Variants in ACAD10 observed in about 807,000 individuals in gnomAD.
ACAD10 encodes ACAD-10.
A neutral mutation model predicts 116.8 loss-of-function variants in ACAD10; 112 were observed. That is an observed-to-expected ratio of 0.96 (90% CI 0.82 to 1.12). ACAD10 has a LOEUF of 1.12. Among genes scored for constraint, ACAD10 ranks in the 50% most tolerant of loss-of-function variants. The probability of loss-of-function intolerance (pLI) is 0.00; values close to 1 mark genes in which losing one functional copy is unlikely to be tolerated. For missense variants in ACAD10, 1,259 were observed against 1,350.2 expected (o/e 0.93, Z 1.06); for synonymous variants, 486 against 510.6 (o/e 0.95, Z 0.65).
At chr12:111,726,647 G>T (rs1889221672) in intron 8 of ACAD10, among the ~76,000 whole-genome samples, 1 of 151,234 alleles carries the variant, frequency 6.6e-6, no homozygotes, top group African/African-American at 2.4e-5. Flanking sequence ...GGATTACGAG[G>T]TCAGGAGATT....
chr12:111,730,021 A>G (rs1194017312), intron 10 of ACAD10, 65 bp downstream of exon 10: 3 of 1,559,908 alleles, frequency 1.9e-6, no homozygotes, highest in South Asian at 1.2e-5. Context: ...GAATTGAGCA[A>G]TTGGTCTTGG....
chr12:111,698,949 G>A (rs1386769457), intron 2 of ACAD10, among the ~76,000 whole-genome samples: 5 of 151,978 alleles, frequency 3.3e-5, no homozygotes, highest in Non-Finnish European at 5.9e-5. Context: ...GAGTGACCTC[G>A]GCTCACTGCA....
intron 2 of ACAD10, among the ~76,000 whole-genome samples, chr12:111,694,716 A>G (rs1435522440): frequency 6.6e-6 from 1 of 152,202 alleles, no homozygotes; most frequent in Non-Finnish European, 1.5e-5. Context: ...CAGCTCCAGA[A>G]TTAACCTTTC....
At chr12:111,697,648 T>C (rs1479773759) in intron 2 of ACAD10, among the ~76,000 whole-genome samples, 3 of 148,822 alleles carry the variant, frequency 2.0e-5, no homozygotes, top group Non-Finnish European at 4.4e-5. Flanking sequence ...ACAGTGATGC[T>C]ATCTCAGCTC....
At chr12:111,702,441 A>G in intron 3 of ACAD10, 131 bp downstream of exon 3, 1 of 1,313,206 alleles carries the variant, frequency 7.6e-7, no homozygotes, top group Non-Finnish European at 1.0e-6. Context: ...TTTTAAAGTT[A>G]TTTCTTAGGC....
intron 3 of ACAD10, among the ~76,000 whole-genome samples, chr12:111,705,147 A>T (rs1221452930): frequency 6.6e-6 from 1 of 152,142 alleles, no homozygotes; most frequent in East Asian, 1.9e-4. Flanking sequence ...ATACTTTTAG[A>T]TTTCACTGTA....
At position 111,705,806 on chromosome 12, in the gene ACAD10, C is replaced by T. The variant is rs142819536; in HGVS notation, c.405C>T (p.Phe135=). 48 of 1,614,020 alleles carry T rather than the reference C, an allele frequency of 3.0e-5. No homozygotes were observed. Among genetic ancestry groups the T allele is most frequent in the Non-Finnish European group, 3.4e-5 (40 of 1,180,034 alleles). ...LLTSERVAKQ[F]PVMTEAITQI... is the part of the protein sequence containing the mutation. ...CCAGTGAGCGAGTGGCAAAGCAGTTCCCAGTGATGACTGAGGCCATAACTC... is the reference window on the plus strand; with the variant it reads ...CCAGTGAGCGAGTGGCAAAGCAGTTTCCAGTGATGACTGAGGCCATAACTC... The change falls in exon 4 of 21, where the codon TTC becomes TTT. Residue 135 remains phenylalanine (F), a synonymous_variant. Transcript: ENST00000313698.
chr12:111,699,999 A>G (rs1361644104), intron 2 of ACAD10, among the ~76,000 whole-genome samples: 3 of 152,146 alleles, frequency 2.0e-5, no homozygotes, highest in African/African-American at 7.2e-5. Flanking sequence ...CCATTGCAGC[A>G]AGAAAGCAAT....
chr12:111,699,499 A>G (rs978088532), intron 2 of ACAD10, among the ~76,000 whole-genome samples: 1 of 152,142 alleles, frequency 6.6e-6, no homozygotes, highest in Non-Finnish European at 1.5e-5. Context: ...GGCATATACA[A>G]ATTGGATCAT....
intron 8 of ACAD10, among the ~76,000 whole-genome samples, chr12:111,723,360 A>G (rs1251547709): frequency 7.2e-4 from 48 of 66,950 alleles, no homozygotes; most frequent in East Asian, 2.2e-3. Flanking sequence ...GCGGCTGTCC[A>G]GGCGGGGGGC....
chr12:111,730,095 C>A, intron 10 of ACAD10, 139 bp downstream of exon 10: 1 of 1,235,648 alleles, frequency 8.1e-7, no homozygotes, highest in Non-Finnish European at 1.1e-6. Flanking sequence ...CCTTTTCAGG[C>A]AGGGTTTCTC....
At chr12:111,709,387 A>G in intron 4 of ACAD10, 139 bp from the exon 5 acceptor site, 1 of 730,848 alleles carries the variant, frequency 1.4e-6, no homozygotes, top group East Asian at 3.2e-5. Context: ...ATCATTTTAT[A>G]TCATAACACT....
chr12:111,710,695 A>T (rs1432304413), intron 5 of ACAD10, among the ~76,000 whole-genome samples: 1 of 151,226 alleles, frequency 6.6e-6, no homozygotes, highest in African/African-American at 2.4e-5. Context: ...GGGTTTCACC[A>T]TGTTGCCCAA....
In ACAD10 at chr12:111,756,390, G is replaced by T. The variant is rs1403354341; in HGVS notation, c.3097G>T (p.Ala1033Ser). 6.2e-6 allele frequency: 10 copies of T among 1,611,908 alleles called. No individual in the cohort carries two copies. The highest frequency in any genetic ancestry group is 1.3e-5 in the African/African-American group (1 of 74,926). ...DYPLAQFFTW[A>S]RALRFADGPD... ...CCCACTGGCTCAGTTCTTCACCTGG[G>T]CCCGAGCCCTGCGCTTTGCCGACGG... The change falls in exon 21 of 21, where the codon GCC becomes TCC. Residue 1033 changes from alanine to serine, a missense_variant. Transcript: ENST00000313698.
At chr12:111,725,671 AT>A (rs1889193325) in intron 8 of ACAD10, among the ~76,000 whole-genome samples, 2 of 151,980 alleles carry the variant, frequency 1.3e-5, no homozygotes, top group South Asian at 4.2e-4. Context: ...AGTAGCTGGG[AT>A]TATAGGCATG....
intron 2 of ACAD10, among the ~76,000 whole-genome samples, chr12:111,693,703 C>G (rs1483595746): frequency 6.6e-6 from 1 of 152,118 alleles, no homozygotes; most frequent in Non-Finnish European, 1.5e-5. Flanking sequence ...AGGGTCAGCC[C>G]TCTGGTCTCT....
chr12:111,728,062 T>C lies in ACAD10; in HGVS notation c.1162T>C (p.Tyr388His). The change falls in exon 9 of 21, where the codon TAC becomes CAC. Residue 388 changes from tyrosine (Y) to histidine (H), a missense_variant. Tyr to His is a moderately conservative substitution (Grantham distance 83). Coordinates refer to ENST00000313698, the MANE Select transcript of ACAD10 (RefSeq NM_025247.6). The stretch of plus-strand genomic sequence containing the variant: ...GGAGCCCAGCCACAGACGAGCCATA[T>C]ACACTGCCATGAACACAGTCCTGTG... Reference protein sequence around the residue: ...GLEPSHRRAIYTAMNTVLCKI... With the variant: ...GLEPSHRRAIHTAMNTVLCKI... 1.2e-6 allele frequency: 2 copies of C among 1,614,168 alleles called. No homozygotes were observed. Among genetic ancestry groups the C allele is most frequent in the Non-Finnish European group, 1.7e-6 (2 of 1,180,030 alleles).
At chr12:111,716,953 G>A (rs776508738) in intron 7 of ACAD10, among the ~76,000 whole-genome samples, 15 of 152,088 alleles carry the variant, frequency 9.9e-5, no homozygotes, top group Admixed American at 5.2e-4. Context: ...ATATACTGTC[G>A]CAATGACAGT....
At chr12:111,741,020 A>C (rs907671135) in intron 12 of ACAD10, among the ~76,000 whole-genome samples, 5 of 152,168 alleles carry the variant, frequency 3.3e-5, no homozygotes, top group Admixed American at 2.0e-4. Context: ...ATTCATTCCC[A>C]AGTATATGAG....
Sources: gnomAD v4.1 joint callset for allele counts (sites outside exome capture counted in the v4.1 genomes callset) on GRCh38, gnomAD v4.1.1 for gene constraint, MANE v1.5 for transcripts, NCBI Gene and HGNC (gene_info 2026-07-23, HGNC 2026-07-21) for gene names.